Variants in DDX31 observed in about 807,000 individuals in gnomAD.
The protein encoded by DDX31 is DEAD-box helicase 31, also known as ATP-dependent DNA helicase DDX31.
Under a neutral mutation model 91.3 loss-of-function variants are expected in DDX31, and 70 were observed. The ratio of observed to expected loss-of-function variants is 0.77; its 90% CI spans 0.63 to 0.94. DDX31 has a LOEUF of 0.94. DDX31 is among the 40% of genes least tolerant of loss of function. DDX31 has a pLI of 0.00. For synonymous variants in DDX31, 362 were observed against 350.6 expected, an observed-to-expected ratio of 1.03 and a Z score of -0.36; for missense variants, 902 against 925.0, an observed-to-expected ratio of 0.98 and a Z score of 0.32.
rs1283410939 is a variant in DDX31 at position 132,595,118 on chromosome 9, G to A, written c.1995-6C>T. ...TCTTCTTATGAAGGTCAGGCCTGAA[G>A]AACAGTAACAGCAGAGAGGGAAAAG... On this transcript the variant is annotated splice_polypyrimidine_tract_variant and splice_region_variant and intron_variant, in intron 19 of 19. Transcript: ENST00000372159. The surrounding 1 kb of genome is among the most constrained non-coding windows in gnomAD (Gnocchi z 4.6). The A allele has an allele frequency of 1.2e-6, 2 of 1,610,976 alleles. No individual in the cohort carries two copies.
chr9:132,607,563 G>C (rs1374008835), intron 19 of DDX31, among the ~76,000 whole-genome samples: 1 of 152,180 alleles, frequency 6.6e-6, no homozygotes, highest in African/African-American at 2.4e-5. Flanking sequence ...TGAATCGTCT[G>C]GGCAAAAACT....
At chr9:132,660,817 C>T (rs1357781771) in intron 4 of DDX31, among the ~76,000 whole-genome samples, 2 of 152,146 alleles carry the variant, frequency 1.3e-5, no homozygotes, top group Non-Finnish European at 2.9e-5. Flanking sequence ...AACATTTTTT[C>T]AGTATCCCAC....
intron 19 of DDX31, among the ~76,000 whole-genome samples, chr9:132,608,114 A>G (rs1831123140): frequency 6.6e-6 from 1 of 152,238 alleles, no homozygotes; most frequent in Non-Finnish European, 1.5e-5. Flanking sequence ...TAGCTTCAAA[A>G]TAAGAACTGC....
Position 132,594,400 on chromosome 9 carries a change from AAATTC to A in DDX31, c.*461_*465del, listed in dbSNP as rs1221478154. ...TGATAAATATATTCTCTTTTTGTAC[AAATTC>A]AATTCCAGTTTTTAACACCCTAATT... On this transcript the variant is annotated 3_prime_UTR_variant, in exon 20 of 20. Coordinates refer to ENST00000372159, the MANE Select transcript of DDX31 (RefSeq NM_022779.9). The A allele has an allele frequency of 3.8e-5, 6 of 156,114 alleles. No individual in the cohort carries two copies. Among genetic ancestry groups the A allele is most frequent in the Non-Finnish European group, 8.5e-5 (6 of 70,450 alleles). The allele number at this position is 156,114 out of a possible 1,614,324, so 9.7% of individuals were successfully genotyped here. A position where few individuals can be genotyped will look rare whatever the true frequency, so the allele number is the denominator to read the frequency against.
chr9:132,630,375 T>C lies in DDX31; in HGVS notation c.1520A>G (p.Tyr507Cys), dbSNP rs1359491061. ...GGCGGTTCTTCCAATCCGGTGGATG[T>C]ATTCTGCAGGTGAAGATGGAGCGTT... is the stretch of plus-strand genomic sequence containing the variant. ...QYNAPSSPAEYIHRIGRTARI... is the reference protein window; with the variant it reads ...QYNAPSSPAECIHRIGRTARI... Residue 507 changes from tyrosine to cysteine, a missense_variant, in exon 16 of 20, where the codon TAC becomes TGC. Coordinates refer to ENST00000372159, the MANE Select transcript of DDX31 (RefSeq NM_022779.9). 6.2e-7 allele frequency: 1 copy of C among 1,602,736 alleles called. No homozygotes were observed. Among genetic ancestry groups the C allele is most frequent in the African/African-American group, 1.3e-5 (1 of 74,806 alleles).
At chr9:132,635,473 T>C (rs1210849216) in intron 14 of DDX31, among the ~76,000 whole-genome samples, 1 of 147,418 alleles carries the variant, frequency 6.8e-6, no homozygotes. Flanking sequence ...TTTTTTTTTT[T>C]TTTTGAGATG....
At position 132,662,340 on chromosome 9, in the gene DDX31, C is replaced by G. The variant is rs189694212; in HGVS notation, c.333-4G>C. ...TTGCACCTGCTTTACCACAGGTCTG[C>G]AAATGATGAACAAGAACCCAGGCAT... On this transcript the variant is annotated splice_region_variant and splice_polypyrimidine_tract_variant and intron_variant, in intron 2 of 19. Transcript: ENST00000372159. The G allele has an allele frequency of 1.2e-4, 187 of 1,614,202 alleles. No individual in the cohort carries two copies. The African/African-American group carries it at 1.9e-3, about 17-fold the overall frequency.
At chr9:132,599,076 C>G (rs905450058) in intron 19 of DDX31, among the ~76,000 whole-genome samples, 2 of 152,080 alleles carry the variant, frequency 1.3e-5, no homozygotes, top group African/African-American at 2.4e-5. Flanking sequence ...AACATTGAAG[C>G]GAATACCAAT....
chr9:132,610,942 G>C (rs79591115), intron 19 of DDX31, among the ~76,000 whole-genome samples: 2,054 of 152,288 alleles, frequency 0.013, 31 homozygotes, highest in South Asian at 0.081. Context: ...CCACTGGGTG[G>C]TCCCTCTGTC....
At chr9:132,669,685 G>A (rs982150955) in intron 1 of DDX31, 175 bp downstream of exon 1, 2 of 1,533,830 alleles carry the variant, frequency 1.3e-6, no homozygotes, top group Non-Finnish European at 1.7e-6. Context: ...TGCGGGTGGT[G>A]TTCCGGTTAG....
At position 132,621,288 on chromosome 9, in the gene DDX31, A is replaced by T. The variant is rs1428483354; in HGVS notation, c.1714-2847T>A. The stretch of plus-strand genomic sequence containing the variant: ...CAACTTCCAAGGTATTTTTAAGCAA[A>T]ATGGAAGGGTTTTGTTTTAATCACT... On this transcript the variant is annotated intron_variant, in intron 17 of 19. Coordinates refer to ENST00000372159, the MANE Select transcript of DDX31 (RefSeq NM_022779.9). 2.0e-5 allele frequency among the ~76,000 whole-genome samples: 3 copies of T among 152,092 alleles called. No homozygotes were observed. The East Asian group carries it at 5.8e-4, about 29-fold the overall frequency.
At chr9:132,602,051 C>T (rs868559061) in intron 19 of DDX31, among the ~76,000 whole-genome samples, 1 of 152,238 alleles carries the variant, frequency 6.6e-6, no homozygotes, top group Non-Finnish European at 1.5e-5. Flanking sequence ...CTGGTCTGAT[C>T]AATAACATCA....
intron 4 of DDX31, among the ~76,000 whole-genome samples, chr9:132,660,459 T>C (rs982548260): frequency 6.6e-6 from 1 of 151,982 alleles, no homozygotes; most frequent in Non-Finnish European, 1.5e-5. Flanking sequence ...AATGGAAAGG[T>C]TTCCATGCAG....
chr9:132,639,861 GCTTT>G lies in DDX31; in HGVS notation c.1440+2139_1440+2142del, dbSNP rs1249056285. On this transcript the variant is annotated intron_variant, in intron 14 of 19. Coordinates refer to ENST00000372159, the MANE Select transcript of DDX31 (RefSeq NM_022779.9). ...AAACTCCACCCCAAAGGTTCCTACT[GCTTT>G]CTATTTCAATATTCACAGTCCAGAA... Among the ~76,000 whole-genome samples, 12 of 152,172 alleles carry G rather than the reference GCTTT, an allele frequency of 7.9e-5. No individual in the cohort carries two copies. The East Asian group carries it at 2.1e-3, about 27-fold the overall frequency.
chr9:132,607,999 T>G (rs1237106315), intron 19 of DDX31, among the ~76,000 whole-genome samples: 1 of 152,208 alleles, frequency 6.6e-6, no homozygotes, highest in Non-Finnish European at 1.5e-5. Context: ...ACAACACAAT[T>G]CTGCCTCTCC....
At chr9:132,618,474 T>G (rs759001223) in intron 17 of DDX31, 33 bp from the exon 18 acceptor site, 27 of 1,579,950 alleles carry the variant, frequency 1.7e-5, no homozygotes, top group East Asian at 1.1e-4. Context: ...AAAGGAGAGA[T>G]AGAGTCAAGG....
At chr9:132,624,100 G>A (rs1380085936) in intron 17 of DDX31, among the ~76,000 whole-genome samples, 1 of 150,574 alleles carries the variant, frequency 6.6e-6, no homozygotes, top group East Asian at 1.9e-4. Flanking sequence ...CTGGGAGGCA[G>A]GGGTTGCAGT....
intron 19 of DDX31, among the ~76,000 whole-genome samples, chr9:132,597,754 C>G (rs1830516863): frequency 6.6e-6 from 1 of 152,130 alleles, no homozygotes; most frequent in South Asian, 2.1e-4. Flanking sequence ...GCCTACACAA[C>G]AGGCAGACAC....
intron 1 of DDX31, chr9:132,663,290 C>T (rs1835101488): frequency 7.8e-7 from 1 of 1,289,014 alleles, no homozygotes; most frequent in Non-Finnish European, 1.0e-6. Flanking sequence ...TTCAGACGGC[C>T]TGGAGAAAAT....
Sources: allele counts gnomAD v4.1 joint callset (sites outside exome capture counted in the v4.1 genomes callset), GRCh38; gene constraint gnomAD v4.1.1; non-coding constraint Gnocchi (gnomAD v3.1); transcripts MANE v1.5; gene names NCBI Gene and HGNC (gene_info 2026-07-23, HGNC 2026-07-21).